The following CMTM8 variants were observed in gnomAD, a reference collection of about 807,000 sequenced individuals.
CMTM8 encodes CKLF-like MARVEL transmembrane domain-containing protein 8.
A neutral mutation model predicts 18.6 loss-of-function variants in CMTM8; 12 were observed. That is an observed-to-expected ratio of 0.65 (90% confidence interval 0.41 to 1.05). CMTM8 has a LOEUF of 1.05. CMTM8 is among the 50% of genes least tolerant of loss of function. The pLI is 0.00. For missense variants in CMTM8, 217 were observed against 227.2 expected, an observed-to-expected ratio of 0.95 and a Z score of 0.29; for synonymous variants, 87 against 90.6, an observed-to-expected ratio of 0.96 and a Z score of 0.23.
At chr3:32,362,229 G>T (rs1696950277) in intron 2 of CMTM8, among the ~76,000 whole-genome samples, 1 of 151,688 alleles carries the variant, frequency 6.6e-6, no homozygotes, top group Non-Finnish European at 1.5e-5. Flanking sequence ...TTTTAGTAGA[G>T]ACGGGGTTTC....
chr3:32,352,895 G>C (rs1696740556), intron 1 of CMTM8, among the ~76,000 whole-genome samples: 1 of 150,690 alleles, frequency 6.6e-6, no homozygotes, highest in Non-Finnish European at 1.5e-5. Flanking sequence ...TTTTTAATCA[G>C]GTTTTTAGCC....
At chr3:32,324,127 G>A (rs568250962) in intron 1 of CMTM8, among the ~76,000 whole-genome samples, 76 of 152,096 alleles carry the variant, frequency 5.0e-4, no homozygotes, top group Non-Finnish European at 1.0e-3. Context: ...TTTTCTGTTT[G>A]AACCCCTTTG....
chr3:32,357,631 C>T, intron 2 of CMTM8, 85 bp downstream of exon 2: 5 of 1,368,560 alleles, frequency 3.7e-6, no homozygotes, highest in Non-Finnish European at 5.0e-6. Context: ...AAGACTGTCT[C>T]TCTGCCCAGA....
chr3:32,310,796 G>A (rs1394782907), intron 1 of CMTM8, among the ~76,000 whole-genome samples: 1 of 152,190 alleles, frequency 6.6e-6, no homozygotes, highest in Non-Finnish European at 1.5e-5. Context: ...ATTGTAGAAA[G>A]TTGGAGGAAA....
intron 2 of CMTM8, among the ~76,000 whole-genome samples, chr3:32,366,618 A>C (rs1174006448): frequency 1.3e-5 from 2 of 152,210 alleles, no homozygotes; most frequent in African/African-American, 4.8e-5. Context: ...ATAGGGGAAA[A>C]GTTAAATTAT....
intron 1 of CMTM8, among the ~76,000 whole-genome samples, chr3:32,269,184 G>A (rs1358262329): frequency 6.6e-6 from 1 of 152,108 alleles, no homozygotes; most frequent in African/African-American, 2.4e-5. Context: ...ACAATATTGA[G>A]GACTTGTCAG....
intron 1 of CMTM8, among the ~76,000 whole-genome samples, chr3:32,253,086 G>T (rs1287644094): frequency 1.3e-5 from 2 of 152,162 alleles, no homozygotes; most frequent in Non-Finnish European, 2.9e-5. Context: ...GTAGTGAATT[G>T]TATTAGGAAA....
intron 1 of CMTM8, among the ~76,000 whole-genome samples, chr3:32,285,744 C>A (rs1221638382): frequency 6.6e-6 from 1 of 151,998 alleles, no homozygotes; most frequent in Non-Finnish European, 1.5e-5. Context: ...TGTGTTGAAT[C>A]CCCCATTACC....
intron 1 of CMTM8, among the ~76,000 whole-genome samples, chr3:32,287,188 A>G (rs1465701076): frequency 6.6e-6 from 1 of 152,208 alleles, no homozygotes; most frequent in Non-Finnish European, 1.5e-5. Context: ...TCTGGCACTT[A>G]CCCATCATTT....
chr3:32,286,865 C>T lies in CMTM8; in HGVS notation c.147+47746C>T, dbSNP rs747564014. 6.6e-5 allele frequency among the ~76,000 whole-genome samples: 10 copies of T among 152,348 alleles called. No homozygotes were observed. The East Asian group carries it at 1.9e-3, about 29-fold the overall frequency. On this transcript the variant is annotated intron_variant, in intron 1 of 3. Coordinates refer to ENST00000307526, the MANE Select transcript of CMTM8 (RefSeq NM_178868.5). ...CTTGGGCTGTATGCAGCCCGAGGGCCGCAGGTTGGACAAGCTTGCTGTAGC... is the reference window on the plus strand; with the variant it reads ...CTTGGGCTGTATGCAGCCCGAGGGCTGCAGGTTGGACAAGCTTGCTGTAGC...
intron 1 of CMTM8, among the ~76,000 whole-genome samples, chr3:32,275,963 C>G (rs1277672949): frequency 7.2e-5 from 11 of 151,986 alleles, no homozygotes. Context: ...CAGTTAATTC[C>G]CAAAGAGCCC....
chr3:32,365,208 C>A (rs1575097821), intron 2 of CMTM8, among the ~76,000 whole-genome samples: 1 of 151,978 alleles, frequency 6.6e-6, no homozygotes, highest in Non-Finnish European at 1.5e-5. Context: ...TGTATATTAT[C>A]TCAGGGCTTC....
chr3:32,347,157 CTG>C (rs1183319497), intron 1 of CMTM8, among the ~76,000 whole-genome samples: 2 of 152,096 alleles, frequency 1.3e-5, no homozygotes, highest in African/African-American at 4.8e-5. Context: ...AGTCAATATT[CTG>C]TGTTTATTAT....
chr3:32,239,227 G>A (rs1701912985), intron 1 of CMTM8, 108 bp downstream of exon 1: 1 of 1,299,288 alleles, frequency 7.7e-7, no homozygotes, highest in African/African-American at 1.5e-5. Flanking sequence ...GCGGGCTTTA[G>A]GGAACCGTTT....
chr3:32,366,284 T>C (rs114855245), intron 2 of CMTM8, among the ~76,000 whole-genome samples: 1,791 of 152,288 alleles, frequency 0.012, 36 homozygotes, highest in African/African-American at 0.041. Context: ...GTTTCTTGTT[T>C]CTTTAGAGTT....
intron 1 of CMTM8, among the ~76,000 whole-genome samples, chr3:32,260,679 TTC>T (rs200366106): frequency 0.069 from 9,865 of 143,392 alleles, 414 homozygotes; most frequent in African/African-American, 0.13. Flanking sequence ...TTTTTTTTTT[TTC>T]CCCCTGTTTT....
intron 1 of CMTM8, among the ~76,000 whole-genome samples, chr3:32,289,137 G>A (rs1257250298): frequency 1.3e-5 from 2 of 152,186 alleles, no homozygotes; most frequent in Non-Finnish European, 2.9e-5. Context: ...TCTGTCTGAA[G>A]AGGTCACTGC....
chr3:32,287,059 G>A (rs1236174858), intron 1 of CMTM8, among the ~76,000 whole-genome samples: 1 of 152,188 alleles, frequency 6.6e-6, no homozygotes, highest in African/African-American at 2.4e-5. Flanking sequence ...GCCTATTTGT[G>A]GCTGCTTTGC....
intron 1 of CMTM8, among the ~76,000 whole-genome samples, chr3:32,334,328 C>A (rs911097266): frequency 6.6e-6 from 1 of 151,460 alleles, no homozygotes; most frequent in African/African-American, 2.4e-5. Context: ...GTCTATTGAC[C>A]GAGCGTGGTG....
Sources: allele counts gnomAD v4.1 joint callset (sites outside exome capture counted in the v4.1 genomes callset), GRCh38; gene constraint gnomAD v4.1.1; transcripts MANE v1.5; gene names NCBI Gene and HGNC (gene_info 2026-07-23, HGNC 2026-07-21).